The following ZFHX3 variants were observed in gnomAD, a reference collection of about 807,000 sequenced individuals.
ZFHX3 encodes zinc finger homeobox 3, also known as zinc finger homeobox protein 3.
Under a neutral mutation model 279.1 loss-of-function variants are expected in ZFHX3, and 42 were observed. The ratio of observed to expected loss-of-function variants is 0.15; its 90% CI spans 0.12 to 0.19. ZFHX3 has a LOEUF of 0.19. Among genes scored for constraint, ZFHX3 ranks in the 10% least tolerant of loss-of-function variants. The probability of loss-of-function intolerance (pLI) is 1.00; values close to 1 mark genes in which losing one functional copy is unlikely to be tolerated. For missense variants in ZFHX3, 4,981 were observed against 4,754.0 expected, an observed-to-expected ratio of 1.05 and a Z score of -1.40; for synonymous variants, 2,293 against 1,957.8, an observed-to-expected ratio of 1.17 and a Z score of -4.52.
intron 5 of ZFHX3, among the ~76,000 whole-genome samples, chr16:73,255,100 A>G (rs2013627288): frequency 6.6e-6 from 1 of 152,246 alleles, no homozygotes; most frequent in African/African-American, 2.4e-5. Flanking sequence ...ACTAGCCGGC[A>G]AAGAATATCC....
chr16:73,119,858 T>C (rs1966476134), intron 7 of ZFHX3, among the ~76,000 whole-genome samples: 1 of 152,138 alleles, frequency 6.6e-6, no homozygotes, highest in Admixed American at 6.5e-5. Flanking sequence ...CTTTTTATTT[T>C]TACATTTTTT....
chr16:73,682,647 C>A (rs2053022871), intron 1 of ZFHX3, among the ~76,000 whole-genome samples: 2 of 151,512 alleles, frequency 1.3e-5, no homozygotes, highest in Non-Finnish European at 2.9e-5. Context: ...ATGAGCCGGT[C>A]ATGGTGGCAT....
At chr16:72,844,941 C>G (rs761630428) in intron 4 of ZFHX3, among the ~76,000 whole-genome samples, 1 of 152,016 alleles carries the variant, frequency 6.6e-6, no homozygotes, top group South Asian at 2.1e-4. Flanking sequence ...GCTCCCCTTC[C>G]CTGCCTTCAT....
At chr16:73,410,475 A>G (rs1028257021) in intron 3 of ZFHX3, among the ~76,000 whole-genome samples, 4 of 152,254 alleles carry the variant, frequency 2.6e-5, no homozygotes, top group African/African-American at 9.6e-5. Flanking sequence ...TGTTTGTAAT[A>G]CAAAGAAAGG....
At chr16:73,326,578 A>C (rs1260956536) in intron 3 of ZFHX3, among the ~76,000 whole-genome samples, 2 of 152,174 alleles carry the variant, frequency 1.3e-5, no homozygotes, top group Non-Finnish European at 2.9e-5. Flanking sequence ...TAGAGACAGA[A>C]AGTAGTCTAG....
intron 3 of ZFHX3, among the ~76,000 whole-genome samples, chr16:73,397,132 T>C (rs727015): frequency 0.041 from 6,295 of 152,286 alleles, 387 homozygotes; most frequent in South Asian, 0.21. Context: ...GGATGTCTAA[T>C]AGCAGTCTAT....
Position 73,678,289 on chromosome 16 carries a change from T to C in ZFHX3, c.-1547+1891A>G, listed in dbSNP as rs140283333. 1.4e-3 allele frequency among the ~76,000 whole-genome samples: 220 copies of C among 152,240 alleles called. 2 individuals are homozygous for C. The highest frequency in any genetic ancestry group is 4.8e-3 in the African/African-American group (198 of 41,562). On this transcript the variant is annotated intron_variant, in intron 2 of 17. Transcript: ENST00000641206. ...ACTGTAGAAGACCATTGGGAGATGT[T>C]CAAGCCCTATTGGTTATTGGGAATG...
intron 1 of ZFHX3, among the ~76,000 whole-genome samples, chr16:73,838,031 C>G (rs1359182231): frequency 6.6e-6 from 1 of 152,184 alleles, no homozygotes; most frequent in Non-Finnish European, 1.5e-5. Flanking sequence ...CACACATAAT[C>G]GGACATAACA....
intron 1 of ZFHX3, among the ~76,000 whole-genome samples, chr16:73,731,383 G>A (rs2142249497): frequency 1.3e-5 from 2 of 152,212 alleles, no homozygotes; most frequent in East Asian, 3.9e-4. Flanking sequence ...CTTTATCTGG[G>A]GGAGGGGCGT....
chr16:72,820,229 G>A (rs1041010894), intron 5 of ZFHX3, among the ~76,000 whole-genome samples: 12 of 152,192 alleles, frequency 7.9e-5, no homozygotes, highest in African/African-American at 1.9e-4. Context: ...CACGCTGACC[G>A]GTGGGTGCTG....
chr16:72,934,276 A>T (rs915569715), intron 3 of ZFHX3, among the ~76,000 whole-genome samples: 2 of 152,052 alleles, frequency 1.3e-5, no homozygotes, highest in Non-Finnish European at 2.9e-5. Context: ...AATACAAAAA[A>T]AGTTAGCCGG....
chr16:73,396,519 G>A (rs572245585), intron 3 of ZFHX3, among the ~76,000 whole-genome samples: 1 of 152,178 alleles, frequency 6.6e-6, no homozygotes, highest in East Asian at 1.9e-4. Flanking sequence ...AATTTATAAA[G>A]GAAAGAGATT....
At chr16:73,305,721 C>A (rs1223261545) in intron 4 of ZFHX3, among the ~76,000 whole-genome samples, 1 of 152,018 alleles carries the variant, frequency 6.6e-6, no homozygotes, top group Non-Finnish European at 1.5e-5. Flanking sequence ...TTCTAACTTG[C>A]CAGCTATATC....
chr16:73,638,062 A>T (rs1275071720), intron 2 of ZFHX3, among the ~76,000 whole-genome samples: 2 of 152,196 alleles, frequency 1.3e-5, no homozygotes, highest in Non-Finnish European at 2.9e-5. Flanking sequence ...ATTTTCATAC[A>T]CTGTTAATAT....
At chr16:73,612,184 G>A (rs1469054545) in intron 2 of ZFHX3, among the ~76,000 whole-genome samples, 1 of 152,106 alleles carries the variant, frequency 6.6e-6, no homozygotes, top group Non-Finnish European at 1.5e-5. Flanking sequence ...TTCTTACCTA[G>A]GCTTTTTGAC....
intron 5 of ZFHX3, among the ~76,000 whole-genome samples, chr16:73,200,182 G>A (rs183597805): frequency 6.6e-6 from 1 of 152,228 alleles, no homozygotes; most frequent in East Asian, 1.9e-4. Flanking sequence ...ATCTTATGCA[G>A]AAAGGTATAA....
chr16:72,800,200 T>C, intron 7 of ZFHX3, 71 bp from the exon 8 acceptor site: 1 of 1,356,696 alleles, frequency 7.4e-7, no homozygotes, highest in Non-Finnish European at 1.0e-6. Flanking sequence ...TTAAAAATTA[T>C]TTAATAAGCA....
At chr16:73,565,423 G>T (rs1442318208) in intron 2 of ZFHX3, among the ~76,000 whole-genome samples, 1 of 152,170 alleles carries the variant, frequency 6.6e-6, no homozygotes, top group Non-Finnish European at 1.5e-5. Context: ...CTGTAACGTA[G>T]AACTTCTAAA....
At chr16:72,828,261 T>C (rs959418654) in intron 5 of ZFHX3, among the ~76,000 whole-genome samples, 1 of 152,224 alleles carries the variant, frequency 6.6e-6, no homozygotes, top group African/African-American at 2.4e-5. Flanking sequence ...AAGAATTAGG[T>C]TGACCAAATA....
Sources: gnomAD v4.1 joint callset for allele counts (sites outside exome capture counted in the v4.1 genomes callset) on GRCh38, gnomAD v4.1.1 for gene constraint, MANE v1.5 for transcripts, NCBI Gene and HGNC (gene_info 2026-07-23, HGNC 2026-07-21) for gene names.